The following DKK4 variants were observed in gnomAD, a reference collection of about 807,000 sequenced individuals.
DKK4 encodes dickkopf-related protein 4.
In DKK4, 15 loss-of-function variants were observed where a neutral mutation model predicts 14.5. That is an observed-to-expected ratio of 1.03 (90% confidence interval 0.69 to 1.59). The LOEUF (loss-of-function observed/expected upper bound fraction) is 1.59. Among genes scored for constraint, DKK4 ranks in the 40% most tolerant of loss-of-function variants. DKK4 has a pLI of 0.00. For missense variants in DKK4, 272 were observed against 280.3 expected (o/e 0.97, Z 0.21); for synonymous variants, 89 against 105.2 (o/e 0.85, Z 0.94).
At chr8:42,380,857 AAGG>A (rs1445990354), upstream of DKK4, among the ~76,000 whole-genome samples, 1 of 151,570 alleles carries the variant, frequency 6.6e-6, no homozygotes, top group South Asian at 2.1e-4. Flanking sequence ...TGAAAAAAGG[AAGG>A]AGAGAGAAAG....
chr8:42,387,899 T>G, the DKK4 span, among the ~76,000 whole-genome samples: 1 of 152,064 alleles, frequency 6.6e-6, no homozygotes, highest in Non-Finnish European at 1.5e-5. Context: ...TTAAAAAAAT[T>G]TTTTTTAACA....
At chr8:42,390,143 C>G in the DKK4 span, among the ~76,000 whole-genome samples, 1 of 152,152 alleles carries the variant, frequency 6.6e-6, no homozygotes, top group Non-Finnish European at 1.5e-5. Context: ...ATCCGCCCCC[C>G]TCGGCCTCCC....
the DKK4 span, among the ~76,000 whole-genome samples, chr8:42,386,011 C>T: frequency 2.6e-5 from 4 of 152,284 alleles, no homozygotes; most frequent in African/African-American, 9.6e-5. Context: ...TTACTAATGC[C>T]TACATCTGCT....
chr8:42,379,344 A>G (rs1431333350), upstream of DKK4, among the ~76,000 whole-genome samples: 2 of 79,740 alleles, frequency 2.5e-5, no homozygotes, highest in African/African-American at 7.9e-5. Flanking sequence ...AGCCCAGGAG[A>G]TTAAGCCTAT....
At chr8:42,389,723 G>A in the DKK4 span, among the ~76,000 whole-genome samples, 111 of 152,152 alleles carry the variant, frequency 7.3e-4, no homozygotes, top group Middle Eastern at 6.8e-3. Context: ...ACACATATAC[G>A]TTCCACCTCG....
chr8:42,379,214 G>A (rs540393048), upstream of DKK4, among the ~76,000 whole-genome samples: 6 of 147,788 alleles, frequency 4.1e-5, no homozygotes, highest in East Asian at 1.2e-3. Context: ...CGGTGCCACT[G>A]CACTCCAGCC....
rs747187598 is a variant in DKK4, at chr8:42,375,722, G to A, written c.220C>T (p.Gln74Ter). ...CCAGGGCAGCACATGGCATCTCGCT[G>A]GCACCTCCTCCGCAACCCACGACAT... Reference protein sequence around the residue: ...ATCRGLRRRCQRDAMCCPGTL... With the variant: ...ATCRGLRRRC The change falls in exon 2 of 4, where the codon CAG becomes TAG. Residue 74 changes from glutamine to a stop codon, truncating the protein, a stop_gained. Coordinates refer to ENST00000220812, the MANE Select transcript of DKK4 (RefSeq NM_014420.3). LOFTEE classifies it high-confidence loss of function. 1 of 1,613,890 alleles carries A rather than the reference G, an allele frequency of 6.2e-7. No homozygotes were observed. Among genetic ancestry groups the A allele is most frequent in the Non-Finnish European group, 8.5e-7 (1 of 1,180,016 alleles).
intron 3 of DKK4, 110 bp from the exon 4 acceptor site, chr8:42,374,469 A>T: frequency 7.0e-7 from 1 of 1,427,076 alleles, no homozygotes; most frequent in African/African-American, 1.4e-5. Flanking sequence ...ACAAAGTAAA[A>T]ACAGACACAG....
the DKK4 span, among the ~76,000 whole-genome samples, chr8:42,386,121 C>T: frequency 3.9e-5 from 6 of 152,136 alleles, no homozygotes; most frequent in African/African-American, 7.2e-5. Context: ...CTGTGTTGCC[C>T]GGGCTGGAGT....
At chr8:42,387,877 G>T in the DKK4 span, among the ~76,000 whole-genome samples, 2 of 150,800 alleles carry the variant, frequency 1.3e-5, no homozygotes, top group Non-Finnish European at 2.9e-5. Context: ...ACAGAATGTT[G>T]TGAAATTTCC....
Position 42,374,918 on chromosome 8 carries a change from G to A in DKK4, c.263-5C>T. On this transcript the variant is annotated splice_region_variant and splice_polypyrimidine_tract_variant and intron_variant, in intron 2 of 3. Transcript: ENST00000220812. Reference sequence around the variant, plus strand: ...CTTCCATCGTAGTACAAACATCTGAGGGACAACCAGGTGTAACTAGAATTA... The same window carrying A: ...CTTCCATCGTAGTACAAACATCTGAAGGACAACCAGGTGTAACTAGAATTA... 1 of 1,614,086 alleles carries A rather than the reference G, an allele frequency of 6.2e-7. No homozygotes were observed. The highest frequency in any genetic ancestry group is 8.5e-7 in the Non-Finnish European group (1 of 1,179,996).
At chr8:42,374,405 G>A (rs773643559) in intron 3 of DKK4, 46 bp from the exon 4 acceptor site, 7 of 1,607,074 alleles carry the variant, frequency 4.4e-6, no homozygotes, top group Admixed American at 1.7e-5. Context: ...AAGGAAAGTG[G>A]CCTGCTGGGG....
At chr8:42,387,862 A>G in the DKK4 span, among the ~76,000 whole-genome samples, 5 of 150,394 alleles carry the variant, frequency 3.3e-5, no homozygotes, top group African/African-American at 1.3e-4. Flanking sequence ...AAAGACCTTC[A>G]GATAACAGAA....
chr8:42,377,475 G>A (rs540085576), upstream of DKK4, among the ~76,000 whole-genome samples: 1 of 152,292 alleles, frequency 6.6e-6, no homozygotes, highest in African/African-American at 2.4e-5. Context: ...CAGGATGTCT[G>A]TATCAAAGGC....
At chr8:42,378,234 T>C (rs2130874996), upstream of DKK4, among the ~76,000 whole-genome samples, 1 of 152,338 alleles carries the variant, frequency 6.6e-6, no homozygotes, top group Middle Eastern at 3.4e-3. Flanking sequence ...GTTTCATTGC[T>C]CTTAGCATAG....
intron 1 of DKK4, 133 bp from the exon 2 acceptor site, chr8:42,375,963 C>T: frequency 1.7e-6 from 2 of 1,189,786 alleles, no homozygotes; most frequent in South Asian, 3.1e-5. Flanking sequence ...GCATCTTACT[C>T]TCCAGTGGAA....
At chr8:42,375,614 T>G in intron 2 of DKK4, 66 bp downstream of exon 2, 2 of 1,589,116 alleles carry the variant, frequency 1.3e-6, no homozygotes, top group Non-Finnish European at 1.7e-6. Context: ...CCCTGGAATA[T>G]TCTAGTCTAT....
At chr8:42,386,638 G>A in the DKK4 span, among the ~76,000 whole-genome samples, 4 of 152,156 alleles carry the variant, frequency 2.6e-5, no homozygotes, top group East Asian at 1.9e-4. Context: ...ACAGACGTGC[G>A]CCACCAACCT....
chr8:42,376,807 G>A lies in DKK4; in HGVS notation c.111+128C>T, dbSNP rs114898740. On this transcript the variant is annotated intron_variant, in intron 1 of 3. Transcript: ENST00000220812. ...CCTACCAGGATGCCCTCCCAAATCC[G>A]AAACCAATTCAATTTACCTGCTAGG... is the stretch of plus-strand genomic sequence containing the variant. 4.8e-3 allele frequency: 3,623 copies of A among 756,878 alleles called. 84 individuals carry two copies. The African/African-American group carries it at 0.054, about 11-fold the overall frequency. The allele number at this position is 756,878 out of a possible 1,614,324, so 46.9% of individuals were successfully genotyped here.
Sources: allele counts gnomAD v4.1 joint callset (sites outside exome capture counted in the v4.1 genomes callset), GRCh38; gene constraint gnomAD v4.1.1; transcripts MANE v1.5; gene names NCBI Gene and HGNC (gene_info 2026-07-23, HGNC 2026-07-21).